PATJ: variants seen among roughly 807,000 people sequenced by gnomAD.
PATJ encodes the protein inaD-like protein.
In PATJ, 190 loss-of-function variants were observed where a neutral mutation model predicts 224.9. That is an observed-to-expected ratio of 0.84 (90% CI 0.75 to 0.95). The LOEUF (loss-of-function observed/expected upper bound fraction) is 0.95, where lower values mean the gene tolerates loss of function less well. Ranked by LOEUF, PATJ falls within the 40% of genes least tolerant of loss-of-function variation. PATJ has a pLI of 0.00. For missense variants in PATJ, 2,121 were observed against 2,270.3 expected (o/e 0.93, Z 1.34); for synonymous variants, 769 against 820.3 (o/e 0.94, Z 1.07).
At position 62,114,099 on chromosome 1, in the gene PATJ, C is replaced by G; in HGVS notation, c.4508C>G (p.Thr1503Arg). The G allele has an allele frequency of 1.2e-6, 2 of 1,614,150 alleles. No individual in the cohort carries two copies. Among genetic ancestry groups the G allele is most frequent in the Non-Finnish European group, 1.7e-6 (2 of 1,180,018 alleles). ...LRNSSHEEAI[T>R]ALRQTPQKVR... is the part of the protein sequence containing the mutation. Reference sequence around the variant, plus strand: ...AACTCCAGCCACGAAGAAGCCATCACAGCCCTGAGGCAGACCCCCCAGAAG... The same window carrying G: ...AACTCCAGCCACGAAGAAGCCATCAGAGCCCTGAGGCAGACCCCCCAGAAG... Residue 1503 changes from threonine to arginine, a missense_variant, in exon 35 of 44, where the codon ACA becomes AGA. Transcript: ENST00000642238.
intron 41 of PATJ, among the ~76,000 whole-genome samples, chr1:62,135,990 G>A (rs1408098560): frequency 2.9e-5 from 4 of 137,802 alleles, no homozygotes; most frequent in South Asian, 2.4e-4. Context: ...TACTCCAAGT[G>A]CTTCACACTT....
rs376375704 is a variant in PATJ, at chr1:62,134,776, G to T, written c.5271+5831G>T. 1.3e-3 allele frequency among the ~76,000 whole-genome samples: 205 copies of T among 152,262 alleles called. 1 individual carries two copies. The highest frequency in any genetic ancestry group is 4.8e-3 in the African/African-American group (200 of 41,552). ...GGAGAAATCTGTGTCTGTGCCTCGGGCGCAGGCCTCGCCCAGAGCAGATAC... is the reference window on the plus strand; with the variant it reads ...GGAGAAATCTGTGTCTGTGCCTCGGTCGCAGGCCTCGCCCAGAGCAGATAC... On this transcript the variant is annotated intron_variant, in intron 41 of 43. Coordinates refer to ENST00000642238, the MANE Select transcript of PATJ (RefSeq NM_001350145.3).
At chr1:61,884,129 C>A in intron 21 of PATJ, 108 bp from the exon 22 acceptor site, 1 of 641,024 alleles carries the variant, frequency 1.6e-6, no homozygotes, top group Non-Finnish European at 2.6e-6. Context: ...TTTCAGTCTC[C>A]TACCTGGAAG....
intron 1 of PATJ, among the ~76,000 whole-genome samples, chr1:61,744,736 G>C (rs74445067): frequency 0.012 from 1,760 of 152,192 alleles, 14 homozygotes; most frequent in Middle Eastern, 0.024. Flanking sequence ...CTAACAGTTC[G>C]ATTCTGAAAC....
At chr1:61,942,160 G>A (rs1370514246) in intron 27 of PATJ, among the ~76,000 whole-genome samples, 1 of 152,064 alleles carries the variant, frequency 6.6e-6, no homozygotes, top group African/African-American at 2.4e-5. Flanking sequence ...ATTGAAAAAA[G>A]TACAGAAGAA....
At chr1:62,068,203 A>T (rs1656801907) in intron 31 of PATJ, among the ~76,000 whole-genome samples, 1 of 152,152 alleles carries the variant, frequency 6.6e-6, no homozygotes, top group Non-Finnish European at 1.5e-5. Flanking sequence ...ATTTTCTGGG[A>T]GAGATGGGCT....
At chr1:62,134,989 C>T (rs981556523) in intron 41 of PATJ, among the ~76,000 whole-genome samples, 3 of 93,772 alleles carry the variant, frequency 3.2e-5, no homozygotes, top group East Asian at 3.8e-4. Context: ...AGAGCAGGCG[C>T]GTCATGGCCT....
chr1:62,138,595 C>T (rs1473309420), intron 41 of PATJ, among the ~76,000 whole-genome samples: 4 of 152,172 alleles, frequency 2.6e-5, no homozygotes, highest in East Asian at 1.9e-4. Context: ...GTGTGAGCCA[C>T]TGCACCCAGC....
At chr1:61,852,517 C>T (rs912483793) in intron 17 of PATJ, 10 of 151,892 alleles carry the variant, frequency 6.6e-5, no homozygotes, top group African/African-American at 2.4e-4. Flanking sequence ...ATTGGCAGCA[C>T]ATGTACTAAA....
chr1:62,130,594 G>A (rs1362777320), intron 41 of PATJ, among the ~76,000 whole-genome samples: 4 of 151,916 alleles, frequency 2.6e-5, no homozygotes, highest in Non-Finnish European at 2.9e-5. Flanking sequence ...GCTCACACCT[G>A]TAATCCCAGC....
At position 61,861,645 on chromosome 1, in the gene PATJ, C is replaced by T; in HGVS notation, c.2417C>T (p.Ser806Phe). Residue 806 changes from serine (S) to phenylalanine (F), a missense_variant, in exon 19 of 44, where the codon TCT becomes TTT. Coordinates refer to ENST00000642238, the MANE Select transcript of PATJ (RefSeq NM_001350145.3). ...GGAACAATTCATGATATAAATTCAT[C>T]TTTAATACTCGAAGCACCCAAGGTA... The part of the protein sequence containing the change: ...FSGTIHDINS[S>F]LILEAPKGFR... 1 of 1,430,164 alleles carries T rather than the reference C, an allele frequency of 7.0e-7. No homozygotes were observed. The highest frequency in any genetic ancestry group is 1.4e-5 in the South Asian group (1 of 70,618). The allele number at this position is 1,430,164 out of a possible 1,614,324, so 88.6% of individuals were successfully genotyped here.
intron 18 of PATJ, among the ~76,000 whole-genome samples, chr1:61,859,075 C>T (rs1314741597): frequency 6.6e-6 from 1 of 152,042 alleles, no homozygotes; most frequent in Admixed American, 6.6e-5. Flanking sequence ...CTAGACTTTC[C>T]CTGATGGTTA....
chr1:62,071,267 T>G (rs1657351815), intron 31 of PATJ, among the ~76,000 whole-genome samples: 1 of 152,180 alleles, frequency 6.6e-6, no homozygotes, highest in Admixed American at 6.5e-5. Context: ...TGTAGTGCAT[T>G]TAGGAACATG....
chr1:62,126,193 C>G (rs1040511382), intron 39 of PATJ, among the ~76,000 whole-genome samples: 1 of 152,190 alleles, frequency 6.6e-6, no homozygotes, highest in African/African-American at 2.4e-5. Flanking sequence ...CTTTTCTTCT[C>G]TTTCCCTCTT....
intron 28 of PATJ, among the ~76,000 whole-genome samples, chr1:61,997,228 A>G (rs1645420212): frequency 6.6e-6 from 1 of 152,176 alleles, no homozygotes; most frequent in Non-Finnish European, 1.5e-5. Context: ...CCTGACACAA[A>G]TACATATTGT....
Position 61,822,957 on chromosome 1 carries a change from C to G in PATJ, c.1696C>G (p.His566Asp). 1 of 1,614,056 alleles carries G rather than the reference C, an allele frequency of 6.2e-7. No homozygotes were observed. Among genetic ancestry groups the G allele is most frequent in the South Asian group, 1.1e-5 (1 of 91,042 alleles). Residue 566 changes from histidine (H) to aspartate (D), a missense_variant, in exon 15 of 44, where the codon CAC becomes GAC. By Grantham distance (81) the His-to-Asp change is moderately conservative (BLOSUM62 -1). Coordinates refer to ENST00000642238, the MANE Select transcript of PATJ (RefSeq NM_001350145.3). ...LQKYSKLLPI[H>D]TLRLGVEVDS... ...TGTTTTGCTACAGCTGCTGCCTATT[C>G]ACACTCTGAGGCTTGGTGTGGAAGT... is the stretch of plus-strand genomic sequence containing the variant.
At chr1:62,030,446 G>GTC (rs148412560) in intron 29 of PATJ, among the ~76,000 whole-genome samples, 20,300 of 151,994 alleles carry the variant, frequency 0.13, 1,563 homozygotes, top group Middle Eastern at 0.26. Flanking sequence ...CTTTGCTTTG[G>GTC]TGTCTGTGCC....
At chr1:62,067,632 A>G (rs1038727926) in intron 31 of PATJ, among the ~76,000 whole-genome samples, 11 of 152,232 alleles carry the variant, frequency 7.2e-5, no homozygotes, top group African/African-American at 1.7e-4. Flanking sequence ...AGATCAAGTC[A>G]ACTATGTCAC....
At chr1:61,797,498 T>C in intron 11 of PATJ, 70 bp downstream of exon 11, 1 of 1,356,900 alleles carries the variant, frequency 7.4e-7, no homozygotes, top group Non-Finnish European at 1.0e-6. Flanking sequence ...TTATGGAAGT[T>C]GCTCCATGAG....
Sources: gnomAD v4.1 joint callset for allele counts (sites outside exome capture counted in the v4.1 genomes callset) on GRCh38, gnomAD v4.1.1 for gene constraint, MANE v1.5 for transcripts, NCBI Gene and HGNC (gene_info 2026-07-23, HGNC 2026-07-21) for gene names.